The following LATS1 variants were observed in gnomAD, a reference collection of about 807,000 sequenced individuals.
The protein encoded by LATS1 is large tumor suppressor kinase 1.
Under a neutral mutation model 106.6 loss-of-function variants are expected in LATS1, and 25 were observed. The ratio of observed to expected loss-of-function variants is 0.23; its 90% CI spans 0.17 to 0.33. The LOEUF (loss-of-function observed/expected upper bound fraction) is 0.33, where lower values mean the gene tolerates loss of function less well. Among genes scored for constraint, LATS1 ranks in the 10% least tolerant of loss-of-function variants. LATS1 has a pLI of 1.00. For synonymous variants in LATS1, 465 were observed against 455.6 expected (o/e 1.02, Z -0.26); for missense variants, 1,040 against 1,382.6 (o/e 0.75, Z 3.93).
chr6:149,689,829 G>A (rs1295048726), intron 3 of LATS1, among the ~76,000 whole-genome samples: 3 of 152,128 alleles, frequency 2.0e-5, no homozygotes, highest in East Asian at 3.8e-4. Flanking sequence ...AAGGCTAATA[G>A]TCCCTCATGC....
chr6:149,666,663 T>C (rs915073282), intron 7 of LATS1, among the ~76,000 whole-genome samples: 1 of 145,102 alleles, frequency 6.9e-6, no homozygotes, highest in Admixed American at 6.8e-5. Flanking sequence ...ATGCTCCAGG[T>C]TGGGCATGGT....
rs114311805 is a variant in LATS1, at chr6:149,664,357, T to A, written c.2884-2119A>T. Among the ~76,000 whole-genome samples the A allele has an allele frequency of 1.7e-3, 259 of 152,122 alleles. 1 individual carries two copies. The highest frequency in any genetic ancestry group is 2.7e-3 in the African/African-American group (114 of 41,488). On this transcript the variant is annotated intron_variant, in intron 7 of 7. Transcript: ENST00000543571. ...TCAAAAGGTAAGAAAGCAAAATAAA[T>A]CTTTGAAGGGATAATGACAGAGAAT...
In LATS1 at chr6:149,660,539, CT is replaced by C; in HGVS notation, c.*1189del. 1 of 232,806 alleles carries C rather than the reference CT, an allele frequency of 4.3e-6. No individual in the cohort carries two copies. The highest frequency in any genetic ancestry group is 8.5e-6 in the Non-Finnish European group (1 of 117,866). The allele number at this position is 232,806 out of a possible 1,614,324, so 14.4% of individuals were successfully genotyped here. ...AATTTTACTATGGTCAAAATGGAGC[CT>C]TTTTCCCCTTCCTAAAAGATAAGCT... On this transcript the variant is annotated 3_prime_UTR_variant, in exon 8 of 8. Coordinates refer to ENST00000543571, the MANE Select transcript of LATS1 (RefSeq NM_004690.4).
At chr6:149,700,897 C>T (rs1562349957) in intron 2 of LATS1, among the ~76,000 whole-genome samples, 1 of 152,206 alleles carries the variant, frequency 6.6e-6, no homozygotes, top group Non-Finnish European at 1.5e-5. Flanking sequence ...GATTATCCTG[C>T]TTCAGCCTCC....
chr6:149,706,381 G>A (rs1000592690), intron 1 of LATS1, among the ~76,000 whole-genome samples: 1 of 151,518 alleles, frequency 6.6e-6, no homozygotes, highest in African/African-American at 2.4e-5. Flanking sequence ...GGCAGTGTGT[G>A]TGACTGTGGT....
chr6:149,678,143 A>C (rs1781823891), intron 5 of LATS1, among the ~76,000 whole-genome samples: 1 of 131,994 alleles, frequency 7.6e-6, no homozygotes. Flanking sequence ...ACACGGTGAA[A>C]CCTGGTCTCT....
At position 149,680,449 on chromosome 6, in the gene LATS1, T is replaced by A; in HGVS notation, c.2019A>T (p.Leu673Phe). ...QLENEMMRVG[L>F]SQDAQDQMRK... ...TCATTTGATCCTGGGCATCTTGAGA[T>A]AATCCAACCTAGGCAAATAAACTAG... The change falls in exon 5 of 8, where the codon TTA (leucine) becomes TTT (phenylalanine). Residue 673 changes from leucine (L) to phenylalanine (F), a missense_variant. Transcript: ENST00000543571. 1.3e-6 allele frequency: 2 copies of A among 1,598,028 alleles called. No homozygotes were observed. The highest frequency in any genetic ancestry group is 1.7e-6 in the Non-Finnish European group (2 of 1,171,478).
rs1168106658 is a variant in LATS1, at chr6:149,661,373, A to G, written c.*356T>C. ...TAAAACTAAAACTGTCTTTCAAAAAAATTTCAAAAACTCTTGTATTTTAAA... is the reference window on the plus strand; with the variant it reads ...TAAAACTAAAACTGTCTTTCAAAAAGATTTCAAAAACTCTTGTATTTTAAA... On this transcript the variant is annotated 3_prime_UTR_variant, in exon 8 of 8. Coordinates refer to ENST00000543571, the MANE Select transcript of LATS1 (RefSeq NM_004690.4). The G allele has an allele frequency of 4.1e-6, 1 of 242,758 alleles. No individual in the cohort carries two copies. Among genetic ancestry groups the G allele is most frequent in the Non-Finnish European group, 8.0e-6 (1 of 125,368 alleles). The allele number at this position is 242,758 out of a possible 1,614,324, so 15.0% of individuals were successfully genotyped here.
chr6:149,682,067 G>C (rs148925752), intron 4 of LATS1, among the ~76,000 whole-genome samples: 1,635 of 151,156 alleles, frequency 0.011, 32 homozygotes, highest in African/African-American at 0.038. Flanking sequence ...AGCTGAGATG[G>C]CGCCACTGCA....
At chr6:149,715,140 C>G (rs1186870231) in intron 1 of LATS1, among the ~76,000 whole-genome samples, 1 of 152,122 alleles carries the variant, frequency 6.6e-6, no homozygotes, top group Non-Finnish European at 1.5e-5. Context: ...GCCATCTCAG[C>G]TCACTGCAAC....
rs147658805 is a variant in LATS1 at position 149,683,642 on chromosome 6, C to A, written c.1447G>T (p.Ala483Ser). ...ASHSANSQPS[A>S]TTVTAITPAP... is the part of the protein sequence containing the mutation. ...GGTGTAATTGCAGTGACTGTTGTAG[C>A]AGAAGGCTGAGAATTAGCAGAGTGA... Residue 483 changes from alanine (A) to serine (S), a missense_variant, in exon 4 of 8, where the codon GCT becomes TCT. Transcript: ENST00000543571. The A allele has an allele frequency of 6.2e-7, 1 of 1,614,098 alleles. No homozygotes were observed. The highest frequency in any genetic ancestry group is 1.7e-5 in the Admixed American group (1 of 60,006).
At chr6:149,662,524 A>C (rs1303352502) in intron 7 of LATS1, among the ~76,000 whole-genome samples, 1 of 152,096 alleles carries the variant, frequency 6.6e-6, no homozygotes. Context: ...TATTTCTATC[A>C]TATTTCTAAT....
rs766866156 is a variant in LATS1, at chr6:149,684,528, A to G, written c.561T>C (p.Pro187=). ...SWKGSKESLV[P]QRHGPPLGES... The stretch of plus-strand genomic sequence containing the variant: ...CTCCTAGTGGCGGGCCATGCCTCTG[A>G]GGAACTAAGGATTCTTTAGAACCTT... Residue 187 remains proline (P), a synonymous_variant, in exon 4 of 8, where the codon CCT becomes CCC. Transcript: ENST00000543571. The G allele has an allele frequency of 2.0e-5, 33 of 1,613,940 alleles. No homozygotes were observed. The highest frequency in any genetic ancestry group is 2.8e-5 in the Non-Finnish European group (33 of 1,179,862).
chr6:149,661,470 T>TTG lies in LATS1; in HGVS notation c.*258_*259insCA, dbSNP rs1780881661. The TTG allele has an allele frequency of 2.9e-6, 1 of 345,020 alleles. No individual in the cohort carries two copies. Among genetic ancestry groups the TTG allele is most frequent in the Non-Finnish European group, 5.2e-6 (1 of 192,338 alleles). The allele number at this position is 345,020 out of a possible 1,614,324, so 21.4% of individuals were successfully genotyped here. On this transcript the variant is annotated 3_prime_UTR_variant, in exon 8 of 8. Coordinates refer to ENST00000543571, the MANE Select transcript of LATS1 (RefSeq NM_004690.4). The stretch of plus-strand genomic sequence containing the variant: ...CAAAGCACTACTTATTTTAAGTACT[T>TTG]TAAGTACCAAGAACTGACTATAATA...
At chr6:149,717,743 A>G (rs1451115816) in intron 1 of LATS1, 106 bp downstream of exon 1, 1 of 238,188 alleles carries the variant, frequency 4.2e-6, no homozygotes, top group Non-Finnish European at 8.5e-6. Context: ...CGCCAGTCCA[A>G]ACCTCTGGAC....
chr6:149,683,382 A>G lies in LATS1; in HGVS notation c.1707T>C (p.Ser569=). 1 of 1,614,214 alleles carries G rather than the reference A, an allele frequency of 6.2e-7. No homozygotes were observed. The highest frequency in any genetic ancestry group is 8.5e-7 in the Non-Finnish European group (1 of 1,180,040). The change falls in exon 4 of 8, where the codon TCT becomes TCC. Residue 569 remains serine (S), a synonymous_variant. Transcript: ENST00000543571. ...TACTGATTGACTCGTATGGAGGAAC[A>G]GATGGGTTTTGGTGCAGCAGATGTT... ...YPKHLLHQNP[S]VPPYESISKP... is the part of the protein sequence containing the mutation.
At chr6:149,673,636 C>T (rs1781558025) in intron 7 of LATS1, among the ~76,000 whole-genome samples, 1 of 151,668 alleles carries the variant, frequency 6.6e-6, no homozygotes, top group Admixed American at 6.6e-5. Context: ...TATAAAAAAT[C>T]CTAAAAGAAG....
chr6:149,668,870 A>G (rs141342685), intron 7 of LATS1, among the ~76,000 whole-genome samples: 2,455 of 151,094 alleles, frequency 0.016, 107 homozygotes, highest in African/African-American at 0.057. Context: ...GTACACTCTT[A>G]GCTCTTACTG....
At position 149,683,455 on chromosome 6, in the gene LATS1, G is replaced by A; in HGVS notation, c.1634C>T (p.Pro545Leu). 6.2e-7 allele frequency: 1 copy of A among 1,614,220 alleles called. No homozygotes were observed. The highest frequency in any genetic ancestry group is 8.5e-7 in the Non-Finnish European group (1 of 1,180,050). Residue 545 changes from proline to leucine, a missense_variant, in exon 4 of 8, where the codon CCT becomes CTT. By Grantham distance (98) the Pro-to-Leu change is moderately conservative. This residue lies in a region of LATS1 where 624 missense variants were observed against 714.8 expected (regional missense o/e 0.87). Transcript: ENST00000543571. ...TTGATAGTTTGGAGCTTCAGCAACA[G>A]GTGGCATCACAGTCACATTTGAAGC... is the stretch of plus-strand genomic sequence containing the variant. ...GTASNVTVMP[P>L]VAEAPNYQGP...
Sources: allele counts gnomAD v4.1 joint callset (sites outside exome capture counted in the v4.1 genomes callset), GRCh38; gene constraint gnomAD v4.1.1; regional missense constraint gnomAD v4.1.1; transcripts MANE v1.5; gene names NCBI Gene and HGNC (gene_info 2026-07-23, HGNC 2026-07-21).